Variants in XYLT1 observed in about 807,000 individuals in gnomAD.
XYLT1 encodes xylosyltransferase 1.
Under a neutral mutation model 91.3 loss-of-function variants are expected in XYLT1, and 36 were observed. The ratio of observed to expected loss-of-function variants is 0.39; its 90% confidence interval spans 0.30 to 0.52. The LOEUF (loss-of-function observed/expected upper bound fraction) is 0.52, where lower values mean the gene tolerates loss of function less well. XYLT1 is among the 20% of genes least tolerant of loss of function. The pLI, the probability that XYLT1 is intolerant of heterozygous loss-of-function variation, is 0.68. For missense variants in XYLT1, 1,242 were observed against 1,284.5 expected, an observed-to-expected ratio of 0.97 and a Z score of 0.51; for synonymous variants, 588 against 532.0, an observed-to-expected ratio of 1.11 and a Z score of -1.45.
chr16:17,342,425 C>T (rs2035074865), intron 2 of XYLT1, among the ~76,000 whole-genome samples: 1 of 152,126 alleles, frequency 6.6e-6, no homozygotes, highest in Non-Finnish European at 1.5e-5. Flanking sequence ...CATGACATAT[C>T]AACATGCATT....
At chr16:17,340,688 C>A (rs1448464570) in intron 2 of XYLT1, among the ~76,000 whole-genome samples, 5 of 152,210 alleles carry the variant, frequency 3.3e-5, no homozygotes, top group Non-Finnish European at 5.9e-5. Context: ...AACAACCATA[C>A]CTCACTTACA....
At chr16:17,262,612 A>T (rs781653936) in intron 2 of XYLT1, among the ~76,000 whole-genome samples, 2 of 152,156 alleles carry the variant, frequency 1.3e-5, no homozygotes, top group Non-Finnish European at 2.9e-5. Flanking sequence ...GTATGTCCCT[A>T]TCCCTTGTAT....
At chr16:17,400,751 T>C (rs1194980559) in intron 1 of XYLT1, among the ~76,000 whole-genome samples, 1 of 151,778 alleles carries the variant, frequency 6.6e-6, no homozygotes, top group Non-Finnish European at 1.5e-5. Context: ...CAGCTTGTAA[T>C]GAAAGCCACG....
intron 2 of XYLT1, among the ~76,000 whole-genome samples, chr16:17,318,306 ACT>A (rs1192784849): frequency 3.9e-5 from 6 of 152,198 alleles, no homozygotes; most frequent in African/African-American, 7.2e-5. Flanking sequence ...ATCACAGGAC[ACT>A]CTGCTGAATC....
chr16:17,196,145 A>G (rs986638011), intron 5 of XYLT1, among the ~76,000 whole-genome samples: 3 of 152,202 alleles, frequency 2.0e-5, no homozygotes, highest in African/African-American at 7.2e-5. Context: ...GTCTCCCAGC[A>G]GATGGTGGGA....
At chr16:17,408,724 TAATCCCA>T (rs901463673) in intron 1 of XYLT1, among the ~76,000 whole-genome samples, 34 of 152,316 alleles carry the variant, frequency 2.2e-4, no homozygotes, top group African/African-American at 7.9e-4. Flanking sequence ...CACAGGCCTA[TAATCCCA>T]ACTACTCAGG....
intron 2 of XYLT1, among the ~76,000 whole-genome samples, chr16:17,332,571 C>CATACACAT (rs769004028): frequency 1.0e-5 from 1 of 100,296 alleles, no homozygotes; most frequent in Admixed American, 9.8e-5. Context: ...CACACATACA[C>CATACACAT]ACACACACAC....
At chr16:17,335,608 C>G (rs112123609) in intron 2 of XYLT1, among the ~76,000 whole-genome samples, 18,493 of 150,972 alleles carry the variant, frequency 0.12, 1,204 homozygotes, top group African/African-American at 0.18. Context: ...GCAGGAGAAT[C>G]GCTTTAACCC....
chr16:17,179,706 T>A (rs2032024811), intron 5 of XYLT1, among the ~76,000 whole-genome samples: 1 of 152,236 alleles, frequency 6.6e-6, no homozygotes, highest in Non-Finnish European at 1.5e-5. Flanking sequence ...AAGAGCCACT[T>A]ACCCCTTGTA....
intron 1 of XYLT1, among the ~76,000 whole-genome samples, chr16:17,437,346 C>A (rs1039553779): frequency 1.3e-5 from 2 of 152,196 alleles, no homozygotes; most frequent in Non-Finnish European, 2.9e-5. Context: ...TAAACTCCCA[C>A]ATGTGGCCAC....
At chr16:17,116,286 C>G (rs888981229) in intron 11 of XYLT1, among the ~76,000 whole-genome samples, 1 of 152,174 alleles carries the variant, frequency 6.6e-6, no homozygotes, top group Non-Finnish European at 1.5e-5. Flanking sequence ...CATCCCAGTC[C>G]CTGTTCTCCA....
At chr16:17,226,774 C>A (rs765295210) in intron 3 of XYLT1, among the ~76,000 whole-genome samples, 3 of 152,142 alleles carry the variant, frequency 2.0e-5, no homozygotes, top group Non-Finnish European at 4.4e-5. Context: ...CAGAGTGAAA[C>A]CCTGTCTCAA....
chr16:17,338,529 G>A (rs2035019418), intron 2 of XYLT1: 2 of 455,992 alleles, frequency 4.4e-6, no homozygotes, highest in African/African-American at 4.0e-5. Context: ...TATTTCTTGT[G>A]ATTTTCTGAC....
chr16:17,345,270 C>G (rs556754340), intron 2 of XYLT1, among the ~76,000 whole-genome samples: 9 of 152,376 alleles, frequency 5.9e-5, no homozygotes, highest in Admixed American at 1.3e-4. Context: ...AGACAAGCAC[C>G]TAGTTTGGCT....
At chr16:17,332,573 C>CACACACAT (rs1567378543) in intron 2 of XYLT1, among the ~76,000 whole-genome samples, 11 of 85,272 alleles carry the variant, frequency 1.3e-4, no homozygotes, top group Admixed American at 4.2e-4. Flanking sequence ...CACATACACA[C>CACACACAT]ACACACACAC....
At chr16:17,260,480 T>C (rs936349) in intron 2 of XYLT1, among the ~76,000 whole-genome samples, 43,284 of 151,842 alleles carry the variant, frequency 0.29, 6,723 homozygotes, top group African/African-American at 0.39. Context: ...CTTGTTGCTA[T>C]GGAAACACAG....
At chr16:17,379,759 T>TTTCACACACACACACA (rs1555501193) in intron 1 of XYLT1, among the ~76,000 whole-genome samples, 5 of 117,940 alleles carry the variant, frequency 4.2e-5, no homozygotes, top group African/African-American at 2.0e-4. Flanking sequence ...TCTCTCTCTC[T>TTTCACACACACACACA]CTCTCACACA....
intron 3 of XYLT1, among the ~76,000 whole-genome samples, chr16:17,217,233 G>A (rs947683185): frequency 2.6e-5 from 4 of 152,164 alleles, no homozygotes; most frequent in African/African-American, 9.7e-5. Context: ...CAGTTCCTGG[G>A]AGAAAACCAA....
In XYLT1 at chr16:17,232,108, C is replaced by T. The variant is rs1433436568; in HGVS notation, c.913+26880G>A. Reference sequence around the variant, plus strand: ...ATAATAATCTATTATTATATATAATCGATAATTATATATATTATAATATAT... The same window carrying T: ...ATAATAATCTATTATTATATATAATTGATAATTATATATATTATAATATAT... On this transcript the variant is annotated intron_variant, in intron 3 of 11. Transcript: ENST00000261381. 8.6e-5 allele frequency among the ~76,000 whole-genome samples: 12 copies of T among 139,904 alleles called. No individual in the cohort carries two copies. In the East Asian group the frequency reaches 1.8e-3, roughly 21 times the overall value. The allele number at this position is 139,904 out of a possible 152,430, so 91.8% of individuals were successfully genotyped here.
Sources: allele counts gnomAD v4.1 joint callset (sites outside exome capture counted in the v4.1 genomes callset), GRCh38; gene constraint gnomAD v4.1.1; transcripts MANE v1.5; gene names NCBI Gene and HGNC (gene_info 2026-07-23, HGNC 2026-07-21).